INPP4B: variants seen among roughly 807,000 people sequenced by gnomAD.
INPP4B encodes inositol polyphosphate 4-phosphatase type II.
INPP4B carries 55 observed loss-of-function variants against 122.5 expected under a neutral mutation model. The ratio of observed to expected loss-of-function variants is 0.45; its 90% CI spans 0.36 to 0.56. INPP4B has a LOEUF of 0.56. INPP4B is among the 20% of genes least tolerant of loss of function. The pLI is 0.00. For missense variants in INPP4B, 1,000 were observed against 1,097.7 expected (o/e 0.91, Z 1.26); for synonymous variants, 403 against 388.7 (o/e 1.04, Z -0.43).
chr4:142,365,216 G>C (rs959377234), intron 7 of INPP4B, among the ~76,000 whole-genome samples: 3 of 152,124 alleles, frequency 2.0e-5, no homozygotes, highest in Non-Finnish European at 4.4e-5. Flanking sequence ...AGTCAGCTGG[G>C]AGGAGGAATT....
intron 15 of INPP4B, among the ~76,000 whole-genome samples, chr4:142,182,607 T>C (rs569884159): frequency 1.6e-4 from 23 of 147,166 alleles, no homozygotes; most frequent in Admixed American, 2.7e-4. Flanking sequence ...GGACTCAACA[T>C]GATTATTTTC....
chr4:142,550,977 C>G (rs1727853341), intron 2 of INPP4B, among the ~76,000 whole-genome samples: 1 of 151,984 alleles, frequency 6.6e-6, no homozygotes. Context: ...ATTTGCTTGG[C>G]ACATATGAAA....
intron 11 of INPP4B, among the ~76,000 whole-genome samples, chr4:142,247,269 T>C (rs1729375043): frequency 6.6e-6 from 1 of 152,148 alleles, no homozygotes; most frequent in East Asian, 1.9e-4. Flanking sequence ...TTTTGTTGTG[T>C]CTCTGCCAGG....
At chr4:142,386,279 T>C (rs1293358477) in intron 7 of INPP4B, among the ~76,000 whole-genome samples, 1 of 152,186 alleles carries the variant, frequency 6.6e-6, no homozygotes. Flanking sequence ...CATCCATTGA[T>C]GAACTCTTAG....
intron 23 of INPP4B, among the ~76,000 whole-genome samples, 168 bp from the exon 24 acceptor site, chr4:142,086,424 C>T (rs557283526): frequency 6.6e-6 from 1 of 152,212 alleles, no homozygotes; most frequent in Non-Finnish European, 1.5e-5. Flanking sequence ...TCTCTGCTCA[C>T]TGCAGCCCAG....
rs1561090951 is a variant in INPP4B at position 142,806,766 on chromosome 4, AG to A, written c.-254+39442del. Among the ~76,000 whole-genome samples, 724 of 74,824 alleles carry A rather than the reference AG, an allele frequency of 9.7e-3. 10 individuals carry two copies. The highest frequency in any genetic ancestry group is 0.032 in the South Asian group (55 of 1,726). 49.1% of individuals were successfully genotyped at this position (74,824 alleles called of 152,430 possible). On this transcript the variant is annotated intron_variant, in intron 1 of 25. Transcript: ENST00000262992. The stretch of plus-strand genomic sequence containing the variant: ...TAAAAAAAAAGAAGAAGAAGAAAGA[AG>A]AAAGAAAGAAAGAAAGAAGGAAAGA...
chr4:142,369,734 C>T (rs923302976), intron 7 of INPP4B, among the ~76,000 whole-genome samples: 34 of 151,766 alleles, frequency 2.2e-4, no homozygotes, highest in African/African-American at 7.0e-4. Context: ...CGAGACCGGC[C>T]GGGCCAACAT....
intron 2 of INPP4B, among the ~76,000 whole-genome samples, chr4:142,538,754 C>T (rs2059510): frequency 0.23 from 35,560 of 151,784 alleles, 5,302 homozygotes; most frequent in East Asian, 0.78. Flanking sequence ...GGCATGGATG[C>T]GAAGGTTAAG....
chr4:142,491,546 A>G (rs2149784251), intron 2 of INPP4B, among the ~76,000 whole-genome samples: 1 of 152,308 alleles, frequency 6.6e-6, no homozygotes, highest in East Asian at 1.9e-4. Flanking sequence ...AATCCCAGCT[A>G]CTTGGGAGCC....
intron 1 of INPP4B, among the ~76,000 whole-genome samples, chr4:142,740,333 C>T (rs746915817): frequency 2.0e-5 from 3 of 152,010 alleles, no homozygotes; most frequent in East Asian, 3.8e-4. Flanking sequence ...CTACATTGTG[C>T]TCAATAAGTA....
At chr4:142,530,738 A>G (rs539766387) in intron 2 of INPP4B, among the ~76,000 whole-genome samples, 1 of 152,192 alleles carries the variant, frequency 6.6e-6, no homozygotes, top group Admixed American at 6.6e-5. Context: ...AAAGTGAAGG[A>G]ACAAATCAAA....
chr4:142,321,621 G>A (rs1250156209), intron 7 of INPP4B, among the ~76,000 whole-genome samples: 1 of 152,092 alleles, frequency 6.6e-6, no homozygotes, highest in African/African-American at 2.4e-5. Context: ...TCAGAGATAA[G>A]GATTCAGTTT....
chr4:142,703,445 AT>A lies in INPP4B; in HGVS notation c.-191+22393del, dbSNP rs568879168. On this transcript the variant is annotated intron_variant, in intron 2 of 25. Transcript: ENST00000262992. ...AACATTATGAGGGGCAGAGATGACA[AT>A]GCCAGCCTTAAACAGATTGTTAAGA... Among the ~76,000 whole-genome samples, 274 of 152,310 alleles carry A rather than the reference AT, an allele frequency of 1.8e-3. 2 individuals are homozygous for A. The highest frequency in any genetic ancestry group is 6.2e-3 in the African/African-American group (257 of 41,580).
chr4:142,237,155 C>T (rs1278550198), intron 12 of INPP4B, among the ~76,000 whole-genome samples: 1 of 152,042 alleles, frequency 6.6e-6, no homozygotes, highest in African/African-American at 2.4e-5. Flanking sequence ...ATGTTTTATT[C>T]AGTCATCTCC....
At chr4:142,324,399 A>G (rs1771528717) in intron 7 of INPP4B, among the ~76,000 whole-genome samples, 1 of 152,142 alleles carries the variant, frequency 6.6e-6, no homozygotes, top group Admixed American at 6.5e-5. Flanking sequence ...CTCAGCCCTG[A>G]AAAAGTGGAT....
At chr4:142,586,337 A>G (rs1399909275) in intron 2 of INPP4B, among the ~76,000 whole-genome samples, 1 of 152,062 alleles carries the variant, frequency 6.6e-6, no homozygotes, top group Non-Finnish European at 1.5e-5. Flanking sequence ...AACAAAAACA[A>G]CAACAACAAC....
intron 2 of INPP4B, among the ~76,000 whole-genome samples, chr4:142,470,120 G>A (rs1261589507): frequency 6.6e-6 from 1 of 151,790 alleles, no homozygotes; most frequent in African/African-American, 2.4e-5. Context: ...GCTTATAAGT[G>A]CTAGAAGAAA....
intron 5 of INPP4B, among the ~76,000 whole-genome samples, chr4:142,415,589 G>C: frequency 6.6e-6 from 1 of 152,004 alleles, no homozygotes; most frequent in Non-Finnish European, 1.5e-5. Context: ...GTGGAAGTCA[G>C]TGTGGCGATT....
rs1656893239 is a variant in INPP4B at position 142,316,243 on chromosome 4, T to TC, written c.373-1482dup. Among the ~76,000 whole-genome samples the TC allele has an allele frequency of 5.3e-5, 8 of 152,324 alleles. No homozygotes were observed. In the South Asian group the frequency reaches 1.7e-3, roughly 32 times the overall value. The stretch of plus-strand genomic sequence containing the variant: ...CAATTTGTAGAACACACTCAACTCT[T>TC]CAACTCAGGACTGCATGACACAGCA... On this transcript the variant is annotated intron_variant, in intron 7 of 25. Coordinates refer to ENST00000262992, the MANE Select transcript of INPP4B (RefSeq NM_001101669.3).
Sources: gnomAD v4.1 joint callset for allele counts (sites outside exome capture counted in the v4.1 genomes callset) on GRCh38, gnomAD v4.1.1 for gene constraint, MANE v1.5 for transcripts, NCBI Gene and HGNC (gene_info 2026-07-23, HGNC 2026-07-21) for gene names.